The following EIF3H variants were observed in gnomAD, a reference collection of about 807,000 sequenced individuals.
EIF3H encodes eIF-3-gamma.
In EIF3H, 26 loss-of-function variants were observed where a neutral mutation model predicts 44.2. That is an observed-to-expected ratio of 0.59 (90% CI 0.43 to 0.82). The LOEUF is 0.82. Among genes scored for constraint, EIF3H ranks in the 40% least tolerant of loss-of-function variants. The pLI is 0.00. For missense variants in EIF3H, 359 were observed against 432.8 expected, an observed-to-expected ratio of 0.83 and a Z score of 1.51; for synonymous variants, 166 against 151.9, an observed-to-expected ratio of 1.09 and a Z score of -0.68.
At chr8:116,766,312 C>A, upstream of EIF3H, 1 of 361,922 alleles carries the variant, frequency 2.8e-6, no homozygotes, top group Non-Finnish European at 5.0e-6. Context: ...ACCGTGGCCC[C>A]AGACTGCGCA....
At position 116,649,950 on chromosome 8, in the gene EIF3H, C is replaced by T. The variant is rs1054111572; in HGVS notation, c.708-1024G>A. Among the ~76,000 whole-genome samples, 3 of 152,078 alleles carry T rather than the reference C, an allele frequency of 2.0e-5. No individual in the cohort carries two copies. The East Asian group carries it at 5.8e-4, about 29-fold the overall frequency. On this transcript the variant is annotated intron_variant, in intron 5 of 7. Coordinates refer to ENST00000521861, the MANE Select transcript of EIF3H (RefSeq NM_003756.3). Reference sequence around the variant, plus strand: ...ACAAGTACTGAATGCCTGAGATGGGCAAGAATTAGGCAGATTTGATGACAC... The same window carrying T: ...ACAAGTACTGAATGCCTGAGATGGGTAAGAATTAGGCAGATTTGATGACAC...
upstream of EIF3H, among the ~76,000 whole-genome samples, chr8:116,759,473 C>T (rs1815492672): frequency 2.0e-5 from 3 of 152,310 alleles, no homozygotes; most frequent in South Asian, 6.2e-4. Flanking sequence ...GTGACCATTC[C>T]ATGCCTCAGA....
At chr8:116,745,397 GATTT>G (rs1470412841) in intron 1 of EIF3H, among the ~76,000 whole-genome samples, 3 of 152,148 alleles carry the variant, frequency 2.0e-5, no homozygotes, top group African/African-American at 4.8e-5. Context: ...GATCATAACT[GATTT>G]ATTAAGTCAT....
intron 2 of EIF3H, among the ~76,000 whole-genome samples, chr8:116,666,299 A>G (rs537168592): frequency 6.6e-6 from 1 of 152,254 alleles, no homozygotes; most frequent in Non-Finnish European, 1.5e-5. Context: ...TTGTCGCCCT[A>G]TTTTATCTTT....
rs886231231 is a variant in EIF3H, at chr8:116,642,856, T to C, written c.*2150A>G. On this transcript the variant is annotated 3_prime_UTR_variant, in exon 8 of 8. Coordinates refer to ENST00000521861, the MANE Select transcript of EIF3H (RefSeq NM_003756.3). The stretch of plus-strand genomic sequence containing the variant: ...TGTTTTCCTAAACAGTTTTTCCCAC[T>C]ATGATTAATTCCCAAATCAAAAATT... The C allele has an allele frequency of 1.3e-5, 2 of 152,256 alleles. No homozygotes were observed. The highest frequency in any genetic ancestry group is 1.5e-5 in the Non-Finnish European group (1 of 68,046). The allele number at this position is 152,256 out of a possible 1,614,324, so 9.4% of individuals were successfully genotyped here.
chr8:116,714,729 T>A (rs912080942), intron 2 of EIF3H, among the ~76,000 whole-genome samples: 3 of 151,520 alleles, frequency 2.0e-5, no homozygotes, highest in African/African-American at 7.3e-5. Context: ...AGAAAGAGAG[T>A]TTTGAAAAAA....
At chr8:116,653,071 G>A (rs1003362059) in intron 5 of EIF3H, among the ~76,000 whole-genome samples, 1 of 152,108 alleles carries the variant, frequency 6.6e-6, no homozygotes, top group Non-Finnish European at 1.5e-5. Flanking sequence ...AGTGACAGTA[G>A]GGAAAAAATA....
At chr8:116,695,925 T>C (rs1291133168) in intron 2 of EIF3H, among the ~76,000 whole-genome samples, 1 of 152,198 alleles carries the variant, frequency 6.6e-6, no homozygotes, top group African/African-American at 2.4e-5. Flanking sequence ...ATAAACTCAG[T>C]TGTAATGAAC....
At chr8:116,757,169 T>C (rs545592390), upstream of EIF3H, among the ~76,000 whole-genome samples, 293 of 152,336 alleles carry the variant, frequency 1.9e-3, no homozygotes, top group African/African-American at 6.6e-3. Context: ...AACTAAGGTT[T>C]TGCAGCCACG....
At chr8:116,656,188 G>T (rs1813486794) in intron 4 of EIF3H, among the ~76,000 whole-genome samples, 183 bp from the exon 5 acceptor site, 1 of 151,808 alleles carries the variant, frequency 6.6e-6, no homozygotes, top group Admixed American at 6.6e-5. Flanking sequence ...AGTGATTTGA[G>T]TAACTTTGAA....
At chr8:116,670,689 T>C (rs547870809) in intron 2 of EIF3H, among the ~76,000 whole-genome samples, 163 of 152,314 alleles carry the variant, frequency 1.1e-3, no homozygotes, top group African/African-American at 3.4e-3. Flanking sequence ...CTAGCAAAAA[T>C]ATCACATTAT....
chr8:116,743,633 T>C (rs542386098), intron 1 of EIF3H, among the ~76,000 whole-genome samples: 9 of 150,214 alleles, frequency 6.0e-5, no homozygotes, highest in Admixed American at 1.3e-4. Flanking sequence ...CATGCACCCA[T>C]TATGGTCCCA....
At chr8:116,669,783 T>C (rs1021654604) in intron 2 of EIF3H, among the ~76,000 whole-genome samples, 5 of 152,210 alleles carry the variant, frequency 3.3e-5, no homozygotes, top group South Asian at 2.1e-4. Flanking sequence ...ACAGCAGTTA[T>C]AGAAAAGGTT....
chr8:116,705,419 G>C (rs1814451705), intron 2 of EIF3H, among the ~76,000 whole-genome samples: 1 of 151,240 alleles, frequency 6.6e-6, no homozygotes, highest in Non-Finnish European at 1.5e-5. Context: ...AACTCAGAAA[G>C]ACATTAGACA....
At chr8:116,697,491 T>C (rs577024783) in intron 2 of EIF3H, among the ~76,000 whole-genome samples, 2 of 152,252 alleles carry the variant, frequency 1.3e-5, no homozygotes, top group East Asian at 3.9e-4. Flanking sequence ...AGCTTTTGAA[T>C]TACACTGAAA....
intron 2 of EIF3H, among the ~76,000 whole-genome samples, chr8:116,715,668 G>A (rs902257080): frequency 6.6e-6 from 1 of 152,080 alleles, no homozygotes; most frequent in Non-Finnish European, 1.5e-5. Flanking sequence ...TTAGCCTGCT[G>A]AAAAGCAAGG....
chr8:116,645,821 T>C (rs186029884), intron 7 of EIF3H, among the ~76,000 whole-genome samples: 47 of 152,356 alleles, frequency 3.1e-4, no homozygotes, highest in Non-Finnish European at 5.4e-4. Flanking sequence ...ATTTGAGAAA[T>C]TGCCAATCAG....
At chr8:116,736,088 G>C (rs1048674339) in intron 1 of EIF3H, among the ~76,000 whole-genome samples, 1 of 152,172 alleles carries the variant, frequency 6.6e-6, no homozygotes, top group Non-Finnish European at 1.5e-5. Flanking sequence ...AAAACAAGGA[G>C]AAATCTCAAA....
At chr8:116,649,175 T>A (rs1451734326) in intron 5 of EIF3H, among the ~76,000 whole-genome samples, 1 of 152,222 alleles carries the variant, frequency 6.6e-6, no homozygotes. Context: ...AGCACAGGTA[T>A]GTTAGGGTAG....
Sources: allele counts gnomAD v4.1 joint callset (sites outside exome capture counted in the v4.1 genomes callset), GRCh38; gene constraint gnomAD v4.1.1; transcripts MANE v1.5; gene names NCBI Gene and HGNC (gene_info 2026-07-23, HGNC 2026-07-21).